ENPP6: variants seen among roughly 807,000 people sequenced by gnomAD.
ENPP6 encodes glycerophosphocholine cholinephosphodiesterase ENPP6.
In ENPP6, 32 loss-of-function variants were observed where a neutral mutation model predicts 42.0. That is an observed-to-expected ratio of 0.76 (90% CI 0.58 to 1.02). The LOEUF is 1.02. ENPP6 is among the 50% of genes least tolerant of loss of function. ENPP6 has a pLI of 0.00. For synonymous variants in ENPP6, 213 were observed against 216.0 expected, an observed-to-expected ratio of 0.99 and a Z score of 0.12; for missense variants, 552 against 566.8, an observed-to-expected ratio of 0.97 and a Z score of 0.27.
intron 5 of ENPP6, among the ~76,000 whole-genome samples, chr4:184,113,956 T>C (rs376472721): frequency 2.0e-5 from 3 of 147,236 alleles, no homozygotes; most frequent in East Asian, 4.0e-4. Context: ...TCTTTCTTTC[T>C]TTCTTTCTCT....
chr4:184,105,118 C>G (rs374719117), intron 6 of ENPP6, among the ~76,000 whole-genome samples: 3 of 152,258 alleles, frequency 2.0e-5, no homozygotes, highest in African/African-American at 4.8e-5. Flanking sequence ...CACTAAATTC[C>G]CAACACTTAA....
chr4:184,104,910 A>G (rs1207754923), intron 6 of ENPP6, among the ~76,000 whole-genome samples: 1 of 152,182 alleles, frequency 6.6e-6, no homozygotes, highest in Non-Finnish European at 1.5e-5. Context: ...AGACAAACAA[A>G]TGTAGCATCA....
At chr4:184,101,840 GC>G (rs1736009012) in intron 6 of ENPP6, among the ~76,000 whole-genome samples, 1 of 152,182 alleles carries the variant, frequency 6.6e-6, no homozygotes, top group Non-Finnish European at 1.5e-5. Flanking sequence ...TCCTTGATGA[GC>G]CCCTCAACCA....
Position 184,200,413 on chromosome 4 carries a change from C to G in ENPP6, c.241+17166G>C, listed in dbSNP as rs143416864. On this transcript the variant is annotated intron_variant, in intron 1 of 7. Coordinates refer to ENST00000296741, the MANE Select transcript of ENPP6 (RefSeq NM_153343.4). ...TCTGTGGTGCGTGGAGGCCTCTCAACAAAAGGTGGATTCAAGCATATGTAA... is the reference window on the plus strand; with the variant it reads ...TCTGTGGTGCGTGGAGGCCTCTCAAGAAAAGGTGGATTCAAGCATATGTAA... Among the ~76,000 whole-genome samples the G allele has an allele frequency of 4.5e-3, 692 of 152,316 alleles. 4 individuals are homozygous for G. Among genetic ancestry groups the G allele is most frequent in the Non-Finnish European group, 7.4e-3 (505 of 68,040 alleles).
At chr4:184,195,469 T>C (rs1265165700) in intron 1 of ENPP6, among the ~76,000 whole-genome samples, 1 of 152,242 alleles carries the variant, frequency 6.6e-6, no homozygotes, top group Non-Finnish European at 1.5e-5. Context: ...TAACCATTTT[T>C]AAGTGCACAC....
chr4:184,155,042 C>T (rs1737135839), intron 1 of ENPP6, among the ~76,000 whole-genome samples: 2 of 152,126 alleles, frequency 1.3e-5, no homozygotes. Context: ...ACAGAGGGTC[C>T]TCTGTGTAAA....
At chr4:184,149,744 A>G (rs898014183) in intron 2 of ENPP6, among the ~76,000 whole-genome samples, 31 of 152,168 alleles carry the variant, frequency 2.0e-4, no homozygotes, top group Non-Finnish European at 1.5e-5. Context: ...GCTATTTTTT[A>G]TTCCTTTTTT....
In ENPP6 at chr4:184,114,769, A is replaced by T. The variant is rs199651262; in HGVS notation, c.856-1960T>A. Among the ~76,000 whole-genome samples, 3 of 6,630 alleles carry T rather than the reference A, an allele frequency of 4.5e-4. No individual in the cohort carries two copies. The East Asian group carries it at 0.3, about 663-fold the overall frequency. The allele number at this position is 6,630 out of a possible 152,430, so 4.3% of individuals were successfully genotyped here. A position where few individuals can be genotyped will look rare whatever the true frequency, so the allele number is the denominator to read the frequency against. On this transcript the variant is annotated intron_variant, in intron 5 of 7. Transcript: ENST00000296741. The stretch of plus-strand genomic sequence containing the variant: ...GGACACAAGGATGATCTTTCTTGCC[A>T]AAAAAAAAAAAGAAAAAAAGAAAAA...
intron 2 of ENPP6, among the ~76,000 whole-genome samples, chr4:184,130,545 G>A (rs145839318): frequency 0.05 from 3,585 of 71,486 alleles, 1,262 homozygotes; most frequent in African/African-American, 0.17. Flanking sequence ...GCCACAGAGC[G>A]AGACTCCAAA....
chr4:184,188,489 C>T (rs1019256358), intron 1 of ENPP6, among the ~76,000 whole-genome samples: 7 of 152,098 alleles, frequency 4.6e-5, no homozygotes, highest in South Asian at 2.1e-4. Flanking sequence ...GGTTGGCACA[C>T]GACTCAAAGC....
At chr4:184,140,162 C>T (rs1265350761) in intron 2 of ENPP6, among the ~76,000 whole-genome samples, 2 of 151,890 alleles carry the variant, frequency 1.3e-5, no homozygotes, top group Non-Finnish European at 2.9e-5. Context: ...TCTTCAAATA[C>T]CTAGGAATCC....
At chr4:184,094,480 G>A (rs1025132053) in intron 7 of ENPP6, among the ~76,000 whole-genome samples, 5 of 152,260 alleles carry the variant, frequency 3.3e-5, no homozygotes, top group African/African-American at 9.6e-5. Context: ...CAGGGATAGT[G>A]CTTTGGGCTC....
At chr4:184,158,933 A>T (rs751381537) in intron 1 of ENPP6, among the ~76,000 whole-genome samples, 4 of 152,210 alleles carry the variant, frequency 2.6e-5, no homozygotes, top group African/African-American at 4.8e-5. Context: ...ATGGTCAATG[A>T]TCTCTTCCAT....
chr4:184,089,286 C>T lies in ENPP6; in HGVS notation c.*1891G>A, dbSNP rs1415388267. ...TATTTTTAAGCAGTGATCCTTTGCT[C>T]TCATGATTCATGGCATGGAGACAGC... On this transcript the variant is annotated 3_prime_UTR_variant, in exon 8 of 8. Transcript: ENST00000296741. 6.6e-6 allele frequency: 1 copy of T among 152,072 alleles called. No individual in the cohort carries two copies. Among genetic ancestry groups the T allele is most frequent in the East Asian group, 1.9e-4 (1 of 5,194 alleles). 9.4% of individuals were successfully genotyped at this position (152,072 alleles called of 1,614,324 possible).
chr4:184,113,941 T>TTCTTTCTTTCTTTCTTTCTTTCTA (rs1560981948), intron 5 of ENPP6, among the ~76,000 whole-genome samples: 8 of 148,986 alleles, frequency 5.4e-5, no homozygotes, highest in African/African-American at 2.0e-4. Context: ...CTTTCTTTCT[T>TTCTTTCTTTCTTTCTTTCTTTCTA]TCTTTCTTTC....
chr4:184,194,663 A>G (rs1436387682), intron 1 of ENPP6, among the ~76,000 whole-genome samples: 5 of 152,198 alleles, frequency 3.3e-5, no homozygotes, highest in Non-Finnish European at 7.4e-5. Context: ...CAGACCAGGG[A>G]GGAAAAAGAA....
At chr4:184,152,372 C>T (rs1560994153) in intron 2 of ENPP6, among the ~76,000 whole-genome samples, 1 of 152,116 alleles carries the variant, frequency 6.6e-6, no homozygotes, top group Non-Finnish European at 1.5e-5. Context: ...CTCCACTGCC[C>T]CCTCCCTGCA....
intron 6 of ENPP6, among the ~76,000 whole-genome samples, chr4:184,109,939 A>C (rs1736171967): frequency 6.6e-6 from 1 of 152,192 alleles, no homozygotes; most frequent in South Asian, 2.1e-4. Flanking sequence ...GGTTTCCTAC[A>C]GGGGAGCAGG....
intron 1 of ENPP6, among the ~76,000 whole-genome samples, chr4:184,213,256 A>G (rs1733145322): frequency 6.6e-6 from 1 of 151,978 alleles, no homozygotes. Context: ...AATTAAACTG[A>G]AGAGCTTCTG....
Sources: allele counts gnomAD v4.1 joint callset (sites outside exome capture counted in the v4.1 genomes callset), GRCh38; gene constraint gnomAD v4.1.1; transcripts MANE v1.5; gene names NCBI Gene and HGNC (gene_info 2026-07-23, HGNC 2026-07-21).